The following MAP2 variants were observed in gnomAD, a reference collection of about 807,000 sequenced individuals.
MAP2 encodes the protein microtubule associated protein 2.
A neutral mutation model predicts 137.6 loss-of-function variants in MAP2; 14 were observed. The observed-to-expected ratio is 0.10, with a 90% CI of 0.07 to 0.16. The LOEUF is 0.16. MAP2 is among the 10% of genes least tolerant of loss of function. The pLI, the probability that MAP2 is intolerant of heterozygous loss-of-function variation, is 1.00. For synonymous variants in MAP2, 786 were observed against 782.3 expected (o/e 1.00, Z -0.08); for missense variants, 2,088 against 2,191.5 (o/e 0.95, Z 0.94).
intron 3 of MAP2, 88 bp downstream of exon 3, chr2:209,580,188 G>C (rs2076095069): frequency 1.3e-5 from 2 of 151,944 alleles, no homozygotes; most frequent in Non-Finnish European, 1.5e-5. Context: ...ATCTATGATT[G>C]GTCTTTTATC....
chr2:209,456,953 C>T (rs1331658969), intron 1 of MAP2, among the ~76,000 whole-genome samples: 1 of 151,936 alleles, frequency 6.6e-6, no homozygotes, highest in Non-Finnish European at 1.5e-5. Flanking sequence ...AATTGGTGGC[C>T]CACTTCTTCC....
At chr2:209,691,266 G>A (rs1228539480) in intron 7 of MAP2, among the ~76,000 whole-genome samples, 1 of 152,036 alleles carries the variant, frequency 6.6e-6, no homozygotes, top group African/African-American at 2.4e-5. Flanking sequence ...GGCACATAGA[G>A]GCTTAAATGG....
intron 3 of MAP2, among the ~76,000 whole-genome samples, chr2:209,619,651 G>A (rs2090551024): frequency 6.6e-6 from 1 of 151,916 alleles, no homozygotes; most frequent in Admixed American, 6.6e-5. Context: ...TTGTTTATAT[G>A]TATATATATT....
At chr2:209,662,259 C>T (rs1412448449) in intron 5 of MAP2, among the ~76,000 whole-genome samples, 2 of 152,168 alleles carry the variant, frequency 1.3e-5, no homozygotes, top group African/African-American at 4.8e-5. Flanking sequence ...ATGTGTGTTC[C>T]TCAAGAAAAT....
chr2:209,654,876 A>G (rs2095041675), intron 5 of MAP2, among the ~76,000 whole-genome samples: 1 of 152,242 alleles, frequency 6.6e-6, no homozygotes, highest in Non-Finnish European at 1.5e-5. Context: ...AAATTCAAAA[A>G]GAAGAAAGTC....
At chr2:209,598,604 C>CG (rs2082064930) in intron 3 of MAP2, among the ~76,000 whole-genome samples, 1 of 136,856 alleles carries the variant, frequency 7.3e-6, no homozygotes, top group Non-Finnish European at 1.6e-5. Context: ...CCCCCTCCCC[C>CG]ACCCCACAAC....
At chr2:209,691,387 A>G (rs541283087) in intron 7 of MAP2, among the ~76,000 whole-genome samples, 1 of 152,104 alleles carries the variant, frequency 6.6e-6, no homozygotes, top group Non-Finnish European at 1.5e-5. Flanking sequence ...TTTTCTCCCC[A>G]TGGCAGCCAG....
Position 209,485,376 on chromosome 2 carries a change from A to G in MAP2, c.-221-22216A>G, listed in dbSNP as rs138785074. ...AGGTGGATTATAAGCCCCACCTCCTATAACTTTTTTTTTTATTGTGTCAGA... is the reference window on the plus strand; with the variant it reads ...AGGTGGATTATAAGCCCCACCTCCTGTAACTTTTTTTTTTATTGTGTCAGA... On this transcript the variant is annotated intron_variant, in intron 1 of 15. Coordinates refer to ENST00000682079, the MANE Select transcript of MAP2 (RefSeq NM_001375505.1). 3.9e-5 allele frequency among the ~76,000 whole-genome samples: 6 copies of G among 152,242 alleles called. 1 individual carries two copies. In the East Asian group the frequency reaches 9.6e-4, roughly 24 times the overall value.
At chr2:209,701,332 G>A (rs1290375221) in intron 11 of MAP2, among the ~76,000 whole-genome samples, 1 of 151,382 alleles carries the variant, frequency 6.6e-6, no homozygotes, top group Non-Finnish European at 1.5e-5. Context: ...TTCTTCATAT[G>A]TTTGTAAATC....
chr2:209,541,318 C>G (rs1453462406), intron 2 of MAP2, among the ~76,000 whole-genome samples: 1 of 151,264 alleles, frequency 6.6e-6, no homozygotes, highest in Non-Finnish European at 1.5e-5. Flanking sequence ...TCATGAGCCA[C>G]CCGCGCCTGG....
intron 1 of MAP2, among the ~76,000 whole-genome samples, chr2:209,488,489 G>T (rs1392308012): frequency 6.6e-6 from 1 of 152,114 alleles, no homozygotes; most frequent in Non-Finnish European, 1.5e-5. Flanking sequence ...AAGTGGTCTA[G>T]CTCAGTGGAT....
At chr2:209,648,739 A>G (rs1255432318) in intron 4 of MAP2, among the ~76,000 whole-genome samples, 1 of 147,560 alleles carries the variant, frequency 6.8e-6, no homozygotes, top group Non-Finnish European at 1.5e-5. Context: ...CAGTGAGCCG[A>G]GATCACACCA....
At chr2:209,508,288 A>G (rs979515876) in intron 2 of MAP2, among the ~76,000 whole-genome samples, 3 of 151,714 alleles carry the variant, frequency 2.0e-5, no homozygotes, top group Non-Finnish European at 4.4e-5. Context: ...TGAAAAAAAA[A>G]ACACTAAACA....
At chr2:209,522,975 A>G (rs1234596572) in intron 2 of MAP2, among the ~76,000 whole-genome samples, 3 of 152,186 alleles carry the variant, frequency 2.0e-5, no homozygotes, top group Admixed American at 2.0e-4. Context: ...GTCTTTAGAT[A>G]TGATGTATTA....
chr2:209,618,704 A>G (rs1435840313), intron 3 of MAP2, among the ~76,000 whole-genome samples: 1 of 152,212 alleles, frequency 6.6e-6, no homozygotes, highest in Non-Finnish European at 1.5e-5. Flanking sequence ...TAGTACAGCC[A>G]TTATGGAGAA....
At chr2:209,705,854 A>G in intron 12 of MAP2, 127 bp downstream of exon 12, 1 of 833,976 alleles carries the variant, frequency 1.2e-6, no homozygotes, top group South Asian at 2.0e-5. Flanking sequence ...TATTTGCCAT[A>G]AGGATCAGAA....
chr2:209,605,449 A>G (rs1268961212), intron 3 of MAP2, among the ~76,000 whole-genome samples: 1 of 152,214 alleles, frequency 6.6e-6, no homozygotes, highest in Non-Finnish European at 1.5e-5. Flanking sequence ...GTTAGATCTT[A>G]TAAAAATAAG....
chr2:209,593,283 T>C (rs889392376), intron 3 of MAP2, among the ~76,000 whole-genome samples: 29 of 152,130 alleles, frequency 1.9e-4, no homozygotes, highest in African/African-American at 6.5e-4. Context: ...GTATTGTTAT[T>C]GTTTGTGCTG....
At chr2:209,461,998 A>G (rs1350700458) in intron 1 of MAP2, among the ~76,000 whole-genome samples, 1 of 152,100 alleles carries the variant, frequency 6.6e-6, no homozygotes. Flanking sequence ...TGCCTTTAGC[A>G]TCTAAGGGGC....
Sources: allele counts gnomAD v4.1 joint callset (sites outside exome capture counted in the v4.1 genomes callset), GRCh38; gene constraint gnomAD v4.1.1; transcripts MANE v1.5; gene names NCBI Gene and HGNC (gene_info 2026-07-23, HGNC 2026-07-21).